The following PDCD1LG2 variants were observed in gnomAD, a reference collection of about 807,000 sequenced individuals.
PDCD1LG2 encodes the protein B7 dendritic cell molecule.
In PDCD1LG2, 32 loss-of-function variants were observed where a neutral mutation model predicts 28.2. That is an observed-to-expected ratio of 1.13 (90% CI 0.86 to 1.52). PDCD1LG2 has a LOEUF of 1.52. Among genes scored for constraint, PDCD1LG2 ranks in the 40% most tolerant of loss-of-function variants. PDCD1LG2 has a pLI of 0.00. For synonymous variants in PDCD1LG2, 116 were observed against 120.2 expected, an observed-to-expected ratio of 0.97 and a Z score of 0.23; for missense variants, 385 against 323.8, an observed-to-expected ratio of 1.19 and a Z score of -1.45.
Position 5,557,724 on chromosome 9 carries a change from ACT to A in PDCD1LG2, c.741_742del (p.Cys248SerfsTer35). The stretch of plus-strand genomic sequence containing the variant: ...CCACAGTGATAGCCCTAAGAAAACA[ACT>A]CTGTCAAAAGCTGTATTCTTCAAAA... The part of the protein sequence containing the change: ...IATVIALRKQ[L>X]CQKLYSSKDT... On this transcript the variant is annotated frameshift_variant, in exon 5 of 7. Transcript: ENST00000397747. LOFTEE classifies it high-confidence loss of function. 1 of 1,613,838 alleles carries A rather than the reference ACT, an allele frequency of 6.2e-7. No homozygotes were observed. Among genetic ancestry groups the A allele is most frequent in the East Asian group, 2.2e-5 (1 of 44,872 alleles).
At chr9:5,524,978 AG>A (rs1422917293) in intron 2 of PDCD1LG2, among the ~76,000 whole-genome samples, 10 of 152,210 alleles carry the variant, frequency 6.6e-5, no homozygotes, top group African/African-American at 2.4e-4. Context: ...TGAAAAGAAA[AG>A]AAGATACCTG....
At chr9:5,549,307 T>C in intron 3 of PDCD1LG2, 28 bp from the exon 4 acceptor site, 1 of 1,584,128 alleles carries the variant, frequency 6.3e-7, no homozygotes, top group Non-Finnish European at 8.6e-7. Flanking sequence ...AAATAAAGTC[T>C]TATTTCTTTT....
rs770120568 is a variant in PDCD1LG2 at position 5,549,410 on chromosome 9, C to T, written c.437C>T (p.Thr146Ile). The change falls in exon 4 of 7, where the codon ACA becomes ATA. Residue 146 changes from threonine (T) to isoleucine (I), a missense_variant. Coordinates refer to ENST00000397747, the MANE Select transcript of PDCD1LG2 (RefSeq NM_025239.4). Reference protein sequence around the residue: ...TDEVELTCQATGYPLAEVSWP... With the variant: ...TDEVELTCQAIGYPLAEVSWP... ...GAGGTAGAGCTCACCTGCCAGGCTA[C>T]AGGTTATCCTCTGGCAGAAGTATCC... 4 of 1,614,166 alleles carry T rather than the reference C, an allele frequency of 2.5e-6. No homozygotes were observed. The highest frequency in any genetic ancestry group is 1.3e-5 in the African/African-American group (1 of 75,042).
At chr9:5,515,510 C>T (rs1460162572) in intron 1 of PDCD1LG2, among the ~76,000 whole-genome samples, 1 of 152,166 alleles carries the variant, frequency 6.6e-6, no homozygotes, top group African/African-American at 2.4e-5. Context: ...GACAGAACAG[C>T]TTTCAGGAGA....
In PDCD1LG2 at chr9:5,570,231, C is replaced by A; in HGVS notation, c.*272C>A. The A allele has an allele frequency of 5.2e-6, 2 of 383,636 alleles. No homozygotes were observed. Among genetic ancestry groups the A allele is most frequent in the Non-Finnish European group, 9.4e-6 (2 of 213,738 alleles). 23.8% of individuals were successfully genotyped at this position (383,636 alleles called of 1,614,324 possible). A position where few individuals can be genotyped will look rare whatever the true frequency, so the allele number is the denominator to read the frequency against. ...GAATTACCCCACTGGATCCTGGACC[C>A]ACAGAATTCCTTCAGGATCCTTCTT... is the stretch of plus-strand genomic sequence containing the variant. On this transcript the variant is annotated 3_prime_UTR_variant, in exon 7 of 7. Transcript: ENST00000397747.
intron 3 of PDCD1LG2, among the ~76,000 whole-genome samples, chr9:5,538,852 T>C (rs1297408801): frequency 6.6e-6 from 1 of 152,176 alleles, no homozygotes; most frequent in Non-Finnish European, 1.5e-5. Context: ...CTTTTTTTAA[T>C]TGACAATAAT....
chr9:5,553,561 T>C (rs938312150), intron 4 of PDCD1LG2, among the ~76,000 whole-genome samples: 4 of 152,176 alleles, frequency 2.6e-5, no homozygotes, highest in African/African-American at 9.7e-5. Context: ...ATTATGTCAG[T>C]GTTCTATTCT....
chr9:5,557,560 T>A (rs2129919684), intron 4 of PDCD1LG2, 58 bp from the exon 5 acceptor site: 2 of 1,594,686 alleles, frequency 1.3e-6, no homozygotes, highest in South Asian at 2.2e-5. Flanking sequence ...GTGGCCAGCC[T>A]GTTGGTCTAC....
chr9:5,557,826 C>A (rs1816477575), intron 5 of PDCD1LG2, 74 bp downstream of exon 5: 4 of 1,555,468 alleles, frequency 2.6e-6, no homozygotes, highest in African/African-American at 1.4e-5. Flanking sequence ...GCACTGCAGG[C>A]CTATGGCTTG....
chr9:5,517,134 G>A (rs1820182224), intron 1 of PDCD1LG2, among the ~76,000 whole-genome samples: 1 of 152,220 alleles, frequency 6.6e-6, no homozygotes, highest in Non-Finnish European at 1.5e-5. Flanking sequence ...TATGTTAAAT[G>A]GTAATGACTG....
intron 6 of PDCD1LG2, among the ~76,000 whole-genome samples, chr9:5,568,990 C>T (rs570720989): frequency 6.6e-6 from 1 of 152,094 alleles, no homozygotes; most frequent in African/African-American, 2.4e-5. Flanking sequence ...GCAAACTCTT[C>T]TAGATAGAGG....
chr9:5,556,236 A>AG (rs1042261132), intron 4 of PDCD1LG2, among the ~76,000 whole-genome samples: 3 of 152,220 alleles, frequency 2.0e-5, no homozygotes, highest in African/African-American at 7.2e-5. Flanking sequence ...ACACTGAGGT[A>AG]GGGACCTCTC....
chr9:5,543,705 C>CT (rs1267184973), intron 3 of PDCD1LG2, among the ~76,000 whole-genome samples: 1 of 152,166 alleles, frequency 6.6e-6, no homozygotes, highest in African/African-American at 2.4e-5. Context: ...GTCTCAGTGT[C>CT]TTTTTTTCCC....
rs751109404 is a variant in PDCD1LG2 at position 5,549,498 on chromosome 9, G to A, written c.525G>A (p.Gln175=). 2.7e-5 allele frequency: 44 copies of A among 1,614,040 alleles called. No homozygotes were observed. The highest frequency in any genetic ancestry group is 3.7e-5 in the Non-Finnish European group (44 of 1,180,038). Residue 175 remains glutamine, a synonymous_variant, in exon 4 of 7, where the codon CAG becomes CAA. Transcript: ENST00000397747. ...CCAGGACCCCTGAAGGCCTCTACCA[G>A]GTCACCAGTGTTCTGCGCCTAAAGC... ...SHSRTPEGLY[Q]VTSVLRLKPP... is the part of the protein sequence containing the mutation.
At chr9:5,564,762 T>A (rs1292859776) in intron 6 of PDCD1LG2, among the ~76,000 whole-genome samples, 1 of 152,224 alleles carries the variant, frequency 6.6e-6, no homozygotes, top group African/African-American at 2.4e-5. Context: ...AAACTTTTCC[T>A]CAAGTTGAGC....
At chr9:5,544,724 C>T (rs772501662) in intron 3 of PDCD1LG2, among the ~76,000 whole-genome samples, 1 of 140,512 alleles carries the variant, frequency 7.1e-6, no homozygotes, top group African/African-American at 2.8e-5. Context: ...TCAGGGACAA[C>T]GAAGGCTGGC....
At chr9:5,544,683 A>G (rs1563829212) in intron 3 of PDCD1LG2, among the ~76,000 whole-genome samples, 2 of 152,242 alleles carry the variant, frequency 1.3e-5, no homozygotes, top group African/African-American at 2.4e-5. Context: ...GACTAGATCT[A>G]TAACAGACTG....
chr9:5,517,693 C>T (rs1820194069), intron 1 of PDCD1LG2, among the ~76,000 whole-genome samples: 1 of 152,144 alleles, frequency 6.6e-6, no homozygotes, highest in Non-Finnish European at 1.5e-5. Context: ...CAGAAATCAC[C>T]ATGAGAAATG....
chr9:5,514,795 G>C (rs1378637583), intron 1 of PDCD1LG2, among the ~76,000 whole-genome samples: 5 of 129,058 alleles, frequency 3.9e-5, no homozygotes, highest in Non-Finnish European at 8.3e-5. Context: ...AAAAAAAAAA[G>C]ACAAAATAAG....
Sources: allele counts gnomAD v4.1 joint callset (sites outside exome capture counted in the v4.1 genomes callset), GRCh38; gene constraint gnomAD v4.1.1; transcripts MANE v1.5; gene names NCBI Gene and HGNC (gene_info 2026-07-23, HGNC 2026-07-21).